RSU1: variants seen among roughly 807,000 people sequenced by gnomAD.
The protein encoded by RSU1 is Ras suppressor protein 1.
Under a neutral mutation model 31.1 loss-of-function variants are expected in RSU1, and 26 were observed. That is an observed-to-expected ratio of 0.84 (90% CI 0.61 to 1.16). The LOEUF is 1.16. Among genes scored for constraint, RSU1 ranks in the 50% most tolerant of loss-of-function variants. The pLI is 0.00. For synonymous variants in RSU1, 164 were observed against 136.3 expected (o/e 1.20, Z -1.41); for missense variants, 320 against 339.1 (o/e 0.94, Z 0.44).
intron 8 of RSU1, among the ~76,000 whole-genome samples, chr10:16,619,363 G>A (rs1834031721): frequency 6.6e-6 from 1 of 152,210 alleles, no homozygotes; most frequent in Non-Finnish European, 1.5e-5. Flanking sequence ...ATGGTGACAT[G>A]ATCTACCATC....
intron 2 of RSU1, 86 bp downstream of exon 2, chr10:16,816,887 A>G: frequency 1.1e-6 from 1 of 947,398 alleles, no homozygotes; most frequent in East Asian, 2.4e-5. Context: ...AACCAGTACA[A>G]TCGCTCACAG....
intron 8 of RSU1, among the ~76,000 whole-genome samples, chr10:16,598,137 A>G (rs1833653165): frequency 6.6e-6 from 1 of 152,176 alleles, no homozygotes; most frequent in Non-Finnish European, 1.5e-5. Flanking sequence ...GTTATTTTCC[A>G]TGGCAGTGGG....
chr10:16,663,728 G>A (rs940320202), intron 8 of RSU1, among the ~76,000 whole-genome samples: 2 of 152,162 alleles, frequency 1.3e-5, no homozygotes, highest in African/African-American at 4.8e-5. Flanking sequence ...GGAGGACTCT[G>A]CTCTGCATAC....
At chr10:16,785,489 CAT>C (rs1388954555) in intron 2 of RSU1, among the ~76,000 whole-genome samples, 74 of 118,366 alleles carry the variant, frequency 6.3e-4, no homozygotes, top group African/African-American at 2.8e-3. Context: ...TACATATATA[CAT>C]ATATATATAC....
chr10:16,786,995 T>C (rs1372671548), intron 2 of RSU1, among the ~76,000 whole-genome samples: 2 of 152,040 alleles, frequency 1.3e-5, no homozygotes, highest in Admixed American at 1.3e-4. Context: ...GCGGATCGGA[T>C]CGATGCCTTA....
chr10:16,739,383 G>A (rs1836704671), intron 7 of RSU1, among the ~76,000 whole-genome samples: 1 of 150,356 alleles, frequency 6.7e-6, no homozygotes, highest in Non-Finnish European at 1.5e-5. Context: ...GTTGCTTCCT[G>A]ACTTTTTAAT....
At chr10:16,641,995 T>A (rs1480379407) in intron 8 of RSU1, among the ~76,000 whole-genome samples, 1 of 152,128 alleles carries the variant, frequency 6.6e-6, no homozygotes, top group Non-Finnish European at 1.5e-5. Flanking sequence ...GCGCTGACAA[T>A]CTAAGATTCA....
intron 2 of RSU1, among the ~76,000 whole-genome samples, chr10:16,812,383 A>G (rs1564366802): frequency 6.6e-6 from 1 of 152,254 alleles, no homozygotes; most frequent in Non-Finnish European, 1.5e-5. Context: ...TGGAGGCTGC[A>G]GTGAGCAGAG....
In RSU1 at chr10:16,695,162, G is replaced by T. The variant is rs746103753; in HGVS notation, c.599-7C>A. 6.8e-6 allele frequency: 10 copies of T among 1,479,648 alleles called. No individual in the cohort carries two copies. Among genetic ancestry groups the T allele is most frequent in the Middle Eastern group, 1.8e-4 (1 of 5,524 alleles). The allele number at this position is 1,479,648 out of a possible 1,614,324, so 91.7% of individuals were successfully genotyped here. A position where few individuals can be genotyped will look rare whatever the true frequency, so the allele number is the denominator to read the frequency against. ...CCAGTTAAATCCAAGTTTCCTGGGGGGGGGGAAAAAAAAAGTGAAGGTCAC... is the reference window on the plus strand; with the variant it reads ...CCAGTTAAATCCAAGTTTCCTGGGGTGGGGGAAAAAAAAAGTGAAGGTCAC... On this transcript the variant is annotated splice_region_variant and splice_polypyrimidine_tract_variant and intron_variant, in intron 7 of 8. Coordinates refer to ENST00000345264, the MANE Select transcript of RSU1 (RefSeq NM_012425.4).
At chr10:16,646,369 A>G (rs1232680997) in intron 8 of RSU1, among the ~76,000 whole-genome samples, 1 of 152,158 alleles carries the variant, frequency 6.6e-6, no homozygotes, top group Non-Finnish European at 1.5e-5. Flanking sequence ...CCGTACAGTC[A>G]GGAGCCGTGG....
intron 8 of RSU1, among the ~76,000 whole-genome samples, chr10:16,677,743 T>C (rs1835259577): frequency 6.6e-6 from 1 of 152,148 alleles, no homozygotes. Context: ...ATAATATAGC[T>C]CCAAGATTAT....
chr10:16,720,261 A>T (rs750951416), intron 7 of RSU1, among the ~76,000 whole-genome samples: 45 of 152,352 alleles, frequency 3.0e-4, no homozygotes, highest in East Asian at 1.9e-4. Flanking sequence ...ACCTAACCAT[A>T]GTTATGACAG....
intron 2 of RSU1, among the ~76,000 whole-genome samples, chr10:16,813,349 A>G (rs1838450179): frequency 6.6e-6 from 1 of 152,168 alleles, no homozygotes; most frequent in African/African-American, 2.4e-5. Context: ...CCACACAAAA[A>G]ATTCCAACAC....
intron 8 of RSU1, among the ~76,000 whole-genome samples, chr10:16,642,723 C>T (rs1165601322): frequency 6.6e-6 from 1 of 152,174 alleles, no homozygotes; most frequent in Non-Finnish European, 1.5e-5. Flanking sequence ...TAATCTTAAA[C>T]CTATTTCCAA....
chr10:16,781,617 T>C (rs1837651087), intron 3 of RSU1, among the ~76,000 whole-genome samples: 1 of 152,214 alleles, frequency 6.6e-6, no homozygotes, highest in Admixed American at 6.5e-5. Flanking sequence ...CAGCATAGCA[T>C]TTACTATCTC....
At chr10:16,807,003 C>A (rs1188892693) in intron 2 of RSU1, among the ~76,000 whole-genome samples, 1 of 152,188 alleles carries the variant, frequency 6.6e-6, no homozygotes, top group Non-Finnish European at 1.5e-5. Context: ...GGTGACCCAC[C>A]CACGTTGGCC....
intron 8 of RSU1, among the ~76,000 whole-genome samples, chr10:16,694,502 A>G (rs1412576662): frequency 6.6e-6 from 1 of 152,240 alleles, no homozygotes; most frequent in African/African-American, 2.4e-5. Context: ...AAAGAAAATC[A>G]GTAAAAATCC....
chr10:16,746,508 C>G (rs1836858053), intron 7 of RSU1, among the ~76,000 whole-genome samples: 1 of 152,040 alleles, frequency 6.6e-6, no homozygotes, highest in African/African-American at 2.4e-5. Context: ...GAACAAGCAG[C>G]AGAAACCATG....
chr10:16,791,146 C>A (rs116670901), intron 2 of RSU1, among the ~76,000 whole-genome samples: 20,384 of 152,026 alleles, frequency 0.13, 1,604 homozygotes, highest in Middle Eastern at 0.2. Flanking sequence ...CGTGCCACAG[C>A]CTCCTGAGTA....
Sources: gnomAD v4.1 joint callset for allele counts (sites outside exome capture counted in the v4.1 genomes callset) on GRCh38, gnomAD v4.1.1 for gene constraint, MANE v1.5 for transcripts, NCBI Gene and HGNC (gene_info 2026-07-23, HGNC 2026-07-21) for gene names.